The following ELL2 variants were observed in gnomAD, a reference collection of about 807,000 sequenced individuals.
ELL2 encodes the protein RNA polymerase II elongation factor ELL2.
ELL2 carries 21 observed loss-of-function variants against 72.8 expected under a neutral mutation model. That is an observed-to-expected ratio of 0.29 (90% CI 0.20 to 0.42). The LOEUF (loss-of-function observed/expected upper bound fraction) is 0.42. ELL2 is among the 10% of genes least tolerant of loss of function. ELL2 has a pLI of 1.00. For synonymous variants in ELL2, 266 were observed against 283.2 expected (o/e 0.94, Z 0.61); for missense variants, 568 against 772.8 (o/e 0.73, Z 3.14).
intron 1 of ELL2, among the ~76,000 whole-genome samples, chr5:95,954,558 C>T (rs960298062): frequency 1.1e-4 from 16 of 149,678 alleles, no homozygotes; most frequent in African/African-American, 3.9e-4. Flanking sequence ...AGGCGCCTGC[C>T]ACCACGCCTG....
chr5:95,898,526 G>C lies in ELL2; in HGVS notation c.1239C>G (p.Asp413Glu). 6.2e-7 allele frequency: 1 copy of C among 1,614,128 alleles called. No individual in the cohort carries two copies. Among genetic ancestry groups the C allele is most frequent in the South Asian group, 1.1e-5 (1 of 91,076 alleles). Residue 413 changes from aspartate to glutamate, a missense_variant, in exon 8 of 12, where the codon GAC becomes GAG. Asp to Glu is a conservative substitution (Grantham distance 45). Transcript: ENST00000237853. The stretch of plus-strand genomic sequence containing the variant: ...AGATACTATCGTTTTGACTAAAACT[G>C]TCAACAGGTAGGTCTTGAGTCCCCC... ...EGRGTQDLPV[D>E]SFSQNDSIYE...
intron 1 of ELL2, among the ~76,000 whole-genome samples, chr5:95,958,935 G>A (rs1751715691): frequency 6.6e-6 from 1 of 152,146 alleles, no homozygotes; most frequent in Admixed American, 6.5e-5. Flanking sequence ...ACTAAGTGGT[G>A]GGTTGGCAGA....
chr5:95,885,334 C>T lies in ELL2; in HGVS notation c.*3537G>A, dbSNP rs1748427844. On this transcript the variant is annotated 3_prime_UTR_variant, in exon 12 of 12. Coordinates refer to ENST00000237853, the MANE Select transcript of ELL2 (RefSeq NM_012081.6). ...ATTACAAATAACATTGATAGCATCT[C>T]CTGTGGCCTTCAGTTAGTAGTGCCA... The T allele has an allele frequency of 6.6e-6, 1 of 152,200 alleles. No individual in the cohort carries two copies. The highest frequency in any genetic ancestry group is 6.5e-5 in the Admixed American group (1 of 15,286). The allele number at this position is 152,200 out of a possible 1,614,324, so 9.4% of individuals were successfully genotyped here.
chr5:95,933,252 A>C (rs1750660121), intron 2 of ELL2, among the ~76,000 whole-genome samples: 1 of 152,210 alleles, frequency 6.6e-6, no homozygotes, highest in African/African-American at 2.4e-5. Context: ...AGTTATTGAA[A>C]ACTTTAAAAG....
intron 2 of ELL2, among the ~76,000 whole-genome samples, chr5:95,935,536 C>T (rs1014492142): frequency 3.9e-5 from 6 of 152,294 alleles, no homozygotes; most frequent in East Asian, 3.9e-4. Context: ...TTTCTTCTTA[C>T]GACTAAGGTT....
At chr5:95,913,131 T>G (rs1749665961) in intron 4 of ELL2, among the ~76,000 whole-genome samples, 1 of 152,178 alleles carries the variant, frequency 6.6e-6, no homozygotes, top group Admixed American at 6.6e-5. Flanking sequence ...CCCTTCAATC[T>G]GACAGACACT....
In ELL2 at chr5:95,913,864, A is replaced by T. The variant is rs1239364258; in HGVS notation, c.388T>A (p.Ser130Thr). The change falls in exon 4 of 12, where the codon TCG becomes ACG. Residue 130 changes from serine to threonine, a missense_variant. Physicochemically the swap from Ser to Thr is moderately conservative, Grantham distance 58. This residue lies in a region of ELL2 where 511 missense variants were observed against 728.4 expected (regional missense o/e 0.70). Coordinates refer to ENST00000237853, the MANE Select transcript of ELL2 (RefSeq NM_012081.6). ...DKITVCATND[S>T]YQMTRERMTQ... ...ATTCTTTCTCGTGTCATCTGATACGAGTCGTTTGTTGCACACACTGTAATT... is the reference window on the plus strand; with the variant it reads ...ATTCTTTCTCGTGTCATCTGATACGTGTCGTTTGTTGCACACACTGTAATT... 6.2e-7 allele frequency: 1 copy of T among 1,613,636 alleles called. No homozygotes were observed.
intron 4 of ELL2, among the ~76,000 whole-genome samples, chr5:95,908,422 G>A (rs551367118): frequency 5.8e-4 from 88 of 152,296 alleles, no homozygotes; most frequent in Non-Finnish European, 1.1e-3. Flanking sequence ...AGTCTTTGTG[G>A]GAAAGGTTTT....
chr5:95,950,898 G>GTACATA (rs1751349138), intron 1 of ELL2, among the ~76,000 whole-genome samples: 2 of 29,284 alleles, frequency 6.8e-5, no homozygotes, highest in African/African-American at 2.2e-4. Flanking sequence ...ATGTATGTAT[G>GTACATA]TATGTGTATA....
intron 5 of ELL2, among the ~76,000 whole-genome samples, chr5:95,905,322 T>C (rs1210408169): frequency 2.0e-5 from 3 of 152,130 alleles, no homozygotes; most frequent in African/African-American, 7.2e-5. Context: ...CATATATCAA[T>C]AGTAGTCTAT....
At chr5:95,912,588 G>A (rs574481552) in intron 4 of ELL2, among the ~76,000 whole-genome samples, 5 of 152,300 alleles carry the variant, frequency 3.3e-5, no homozygotes, top group Admixed American at 2.0e-4. Context: ...AAGAAAGGAG[G>A]CTGGAAGTTG....
intron 2 of ELL2, among the ~76,000 whole-genome samples, chr5:95,919,937 A>C (rs1284586492): frequency 6.6e-6 from 1 of 152,160 alleles, no homozygotes; most frequent in Non-Finnish European, 1.5e-5. Context: ...CCCCCTTCTA[A>C]ATAGCTTCTA....
chr5:95,942,846 C>T, intron 2 of ELL2, 156 bp downstream of exon 2: 1 of 408,966 alleles, frequency 2.4e-6, no homozygotes, highest in East Asian at 4.3e-5. Flanking sequence ...TAAGATAATT[C>T]AAGCATCTTA....
At chr5:95,909,718 G>A (rs1034075587) in intron 4 of ELL2, among the ~76,000 whole-genome samples, 3 of 152,166 alleles carry the variant, frequency 2.0e-5, no homozygotes, top group African/African-American at 4.8e-5. Context: ...CAGTGGGTCC[G>A]ACAGGGTTGG....
Position 95,920,646 on chromosome 5 carries a change from G to A in ELL2, c.196-1101C>T, listed in dbSNP as rs113310718. On this transcript the variant is annotated intron_variant, in intron 2 of 11. Transcript: ENST00000237853. ...TGGCCACATTGCCTGATATGTAGTA[G>A]GGGCTCAAAAAAGGTGTGTGCAATT... Among the ~76,000 whole-genome samples, 1,267 of 152,026 alleles carry A rather than the reference G, an allele frequency of 8.3e-3. 9 individuals are homozygous for A. Among genetic ancestry groups the A allele is most frequent in the Middle Eastern group, 0.027 (8 of 294 alleles).
At position 95,887,375 on chromosome 5, in the gene ELL2, A is replaced by G. The variant is rs1748500215; in HGVS notation, c.*1496T>C. On this transcript the variant is annotated 3_prime_UTR_variant, in exon 12 of 12. Coordinates refer to ENST00000237853, the MANE Select transcript of ELL2 (RefSeq NM_012081.6). ...TTTTTCTGGTTTACAGTGATACACA[A>G]CAAAGTTATTCATTTATTTTTCTGG... 6.6e-6 allele frequency: 1 copy of G among 152,670 alleles called. No individual in the cohort carries two copies. The allele number at this position is 152,670 out of a possible 1,614,324, so 9.5% of individuals were successfully genotyped here. A position where few individuals can be genotyped will look rare whatever the true frequency, so the allele number is the denominator to read the frequency against.
chr5:95,925,209 G>T (rs963170802), intron 2 of ELL2, among the ~76,000 whole-genome samples: 1 of 152,214 alleles, frequency 6.6e-6, no homozygotes, highest in African/African-American at 2.4e-5. Flanking sequence ...CTGATAAGGT[G>T]ATTGTAAATG....
At chr5:95,927,968 G>A (rs1045073104) in intron 2 of ELL2, among the ~76,000 whole-genome samples, 4 of 151,170 alleles carry the variant, frequency 2.6e-5, no homozygotes, top group Non-Finnish European at 5.9e-5. Context: ...GCTAAAAAGG[G>A]GCTTCAAAGG....
chr5:95,900,756 A>T lies in ELL2; in HGVS notation c.891T>A (p.Ala297=). 6.2e-7 allele frequency: 1 copy of T among 1,607,890 alleles called. No homozygotes were observed. The highest frequency in any genetic ancestry group is 8.5e-7 in the Non-Finnish European group (1 of 1,177,754). Residue 297 remains alanine (A), a synonymous_variant, in exon 7 of 12, where the codon GCT becomes GCA. Coordinates refer to ENST00000237853, the MANE Select transcript of ELL2 (RefSeq NM_012081.6). ...LSRKLNPSQN[A]AGTSRSESPV... is the part of the protein sequence containing the mutation. ...GAGATTCTGAACGGCTGGTGCCTGC[A>T]GCATTCTGAGACGGATTTAGTTTTC... is the stretch of plus-strand genomic sequence containing the variant.
Sources: allele counts gnomAD v4.1 joint callset (sites outside exome capture counted in the v4.1 genomes callset), GRCh38; gene constraint gnomAD v4.1.1; regional missense constraint gnomAD v4.1.1; transcripts MANE v1.5; gene names NCBI Gene and HGNC (gene_info 2026-07-23, HGNC 2026-07-21).